The following KLHL1 variants were observed in gnomAD, a reference collection of about 807,000 sequenced individuals.
The protein encoded by KLHL1 is kelch-like protein 1.
KLHL1 carries 47 observed loss-of-function variants against 77.7 expected under a neutral mutation model. That is an observed-to-expected ratio of 0.60 (90% CI 0.48 to 0.77). The LOEUF is 0.77. Among genes scored for constraint, KLHL1 ranks in the 30% least tolerant of loss-of-function variants. The pLI is 0.00. For missense variants in KLHL1, 925 were observed against 910.8 expected (o/e 1.02, Z -0.20); for synonymous variants, 360 against 325.2 (o/e 1.11, Z -1.15).
At chr13:69,789,121 C>G (rs1390738111) in intron 7 of KLHL1, among the ~76,000 whole-genome samples, 4 of 152,118 alleles carry the variant, frequency 2.6e-5, no homozygotes, top group Non-Finnish European at 4.4e-5. Context: ...AAATCTGTAT[C>G]TATCCTCTAA....
intron 1 of KLHL1, among the ~76,000 whole-genome samples, chr13:70,061,800 C>T (rs1438916104): frequency 6.6e-6 from 1 of 151,976 alleles, no homozygotes; most frequent in Non-Finnish European, 1.5e-5. Context: ...ATCTTTTTTA[C>T]CTTTTATATT....
intron 7 of KLHL1, among the ~76,000 whole-genome samples, chr13:69,740,947 G>A (rs914075292): frequency 3.3e-5 from 5 of 151,946 alleles, no homozygotes; most frequent in Admixed American, 6.6e-5. Context: ...AAGGTAAGAC[G>A]TCTTGGGCCT....
At chr13:70,056,675 C>T (rs1037773334) in intron 1 of KLHL1, among the ~76,000 whole-genome samples, 1 of 151,982 alleles carries the variant, frequency 6.6e-6, no homozygotes, top group African/African-American at 2.4e-5. Context: ...AGAGGTACTT[C>T]GGAAACTACA....
chr13:69,900,756 A>G (rs1255862828), intron 4 of KLHL1, among the ~76,000 whole-genome samples: 1 of 152,226 alleles, frequency 6.6e-6, no homozygotes, highest in Non-Finnish European at 1.5e-5. Flanking sequence ...CTTTCCTTTT[A>G]TCCCATTGAT....
chr13:69,950,338 A>C lies in KLHL1; in HGVS notation c.818-10102T>G, dbSNP rs565400234. 7.4e-5 allele frequency among the ~76,000 whole-genome samples: 11 copies of C among 148,222 alleles called. No individual in the cohort carries two copies. The East Asian group carries it at 2.2e-3, about 29-fold the overall frequency. ...ACATATCCATCATTTGAAGAGAACA[A>C]GGAATTGTTTTCAGAGTAAAAGCAA... is the stretch of plus-strand genomic sequence containing the variant. On this transcript the variant is annotated intron_variant, in intron 3 of 10. Coordinates refer to ENST00000377844, the MANE Select transcript of KLHL1 (RefSeq NM_020866.3).
At position 69,724,176 on chromosome 13, in the gene KLHL1, C is replaced by T. The variant is rs188644173; in HGVS notation, c.1803-4595G>A. Reference sequence around the variant, plus strand: ...TAAAGCCTATGTATGACCTGGAAGTCCCCAATTTTGCCTTGGAGTAGCCCA... The same window carrying T: ...TAAAGCCTATGTATGACCTGGAAGTTCCCAATTTTGCCTTGGAGTAGCCCA... On this transcript the variant is annotated intron_variant, in intron 8 of 10. Coordinates refer to ENST00000377844, the MANE Select transcript of KLHL1 (RefSeq NM_020866.3). Among the ~76,000 whole-genome samples, 152 of 152,104 alleles carry T rather than the reference C, an allele frequency of 1.0e-3. 2 individuals are homozygous for T. The highest frequency in any genetic ancestry group is 1.7e-3 in the Non-Finnish European group (114 of 67,964).
At chr13:69,863,938 CAATT>C (rs1880270749) in intron 5 of KLHL1, among the ~76,000 whole-genome samples, 1 of 151,596 alleles carries the variant, frequency 6.6e-6, no homozygotes. Context: ...ACATAATAAG[CAATT>C]AGTTAGTTAT....
intron 2 of KLHL1, among the ~76,000 whole-genome samples, chr13:69,974,739 T>A (rs1884493153): frequency 6.6e-6 from 1 of 152,048 alleles, no homozygotes. Context: ...AGAATATAAT[T>A]GAATTATTAA....
chr13:69,879,459 C>G (rs1342472424), intron 5 of KLHL1, among the ~76,000 whole-genome samples: 1 of 152,088 alleles, frequency 6.6e-6, no homozygotes, highest in Non-Finnish European at 1.5e-5. Context: ...ATCTCATGTG[C>G]ATGTGTAAAT....
chr13:69,747,937 A>G (rs2137942439), intron 7 of KLHL1, among the ~76,000 whole-genome samples: 1 of 152,130 alleles, frequency 6.6e-6, no homozygotes, highest in African/African-American at 2.4e-5. Flanking sequence ...AAATACAAGG[A>G]CTAGCAAATA....
intron 4 of KLHL1, among the ~76,000 whole-genome samples, chr13:69,906,074 A>AT (rs1882036940): frequency 6.6e-6 from 1 of 152,054 alleles, no homozygotes; most frequent in Non-Finnish European, 1.5e-5. Context: ...GTGGCTTCAC[A>AT]TTGGGAATTT....
At chr13:69,977,970 A>G (rs186482525) in intron 1 of KLHL1, among the ~76,000 whole-genome samples, 46 of 152,268 alleles carry the variant, frequency 3.0e-4, no homozygotes, top group African/African-American at 1.0e-3. Context: ...TTATCTACAC[A>G]ATATGTTATC....
At chr13:69,981,535 A>G (rs994465426) in intron 1 of KLHL1, among the ~76,000 whole-genome samples, 20 of 152,160 alleles carry the variant, frequency 1.3e-4, no homozygotes, top group African/African-American at 3.9e-4. Context: ...TATTTAAGGG[A>G]AAAAAATTTA....
intron 4 of KLHL1, among the ~76,000 whole-genome samples, chr13:69,914,857 A>T (rs1276288689): frequency 6.6e-6 from 1 of 152,212 alleles, no homozygotes; most frequent in Non-Finnish European, 1.5e-5. Flanking sequence ...AGCAAAATAG[A>T]TAAAAGATGT....
chr13:69,707,623 A>G lies in KLHL1; in HGVS notation c.2187+2T>C. ...AGTGAATTATGCTGATGACAATCTT[A>G]CCTGTGTCCACTCATTAGTTTGTGG... On this transcript the variant is annotated splice_donor_variant, in intron 10 of 10. Transcript: ENST00000377844. LOFTEE classifies it high-confidence loss of function. 6.2e-7 allele frequency: 1 copy of G among 1,609,596 alleles called. No homozygotes were observed. Among genetic ancestry groups the G allele is most frequent in the Non-Finnish European group, 8.5e-7 (1 of 1,177,268 alleles).
intron 5 of KLHL1, among the ~76,000 whole-genome samples, chr13:69,848,344 G>A (rs1031441536): frequency 6.6e-5 from 10 of 151,464 alleles, no homozygotes; most frequent in Non-Finnish European, 1.3e-4. Context: ...TTCCACAAGT[G>A]GGACTAACTC....
intron 7 of KLHL1, among the ~76,000 whole-genome samples, chr13:69,756,933 CT>C (rs943866658): frequency 2.0e-5 from 3 of 152,186 alleles, no homozygotes; most frequent in South Asian, 2.1e-4. Context: ...ATATCATCAA[CT>C]TTTTTTGTAA....
intron 4 of KLHL1, 59 bp downstream of exon 4, chr13:69,939,981 A>G: frequency 8.3e-6 from 11 of 1,333,140 alleles, no homozygotes; most frequent in Non-Finnish European, 1.1e-5. Flanking sequence ...GACAGTAATT[A>G]TTTTTACCTC....
intron 6 of KLHL1, among the ~76,000 whole-genome samples, chr13:69,798,602 G>C (rs12429094): frequency 6.6e-6 from 1 of 151,476 alleles, no homozygotes; most frequent in Non-Finnish European, 1.5e-5. Flanking sequence ...ATTTTAAACA[G>C]ATGTATTTTA....
Sources: allele counts gnomAD v4.1 joint callset (sites outside exome capture counted in the v4.1 genomes callset), GRCh38; gene constraint gnomAD v4.1.1; transcripts MANE v1.5; gene names NCBI Gene and HGNC (gene_info 2026-07-23, HGNC 2026-07-21).